The following SNX31 variants were observed in gnomAD, a reference collection of about 807,000 sequenced individuals.
The protein encoded by SNX31 is sorting nexin 31.
A neutral mutation model predicts 65.4 loss-of-function variants in SNX31; 58 were observed. The observed-to-expected ratio is 0.89, with a 90% confidence interval of 0.72 to 1.10. SNX31 has a LOEUF of 1.10. Ranked by LOEUF, SNX31 falls within the 50% of genes least tolerant of loss-of-function variation. The probability of loss-of-function intolerance (pLI) is 0.00; values close to 1 mark genes in which losing one functional copy is unlikely to be tolerated. For missense variants in SNX31, 523 were observed against 529.7 expected (o/e 0.99, Z 0.12); for synonymous variants, 181 against 190.1 (o/e 0.95, Z 0.39).
intron 11 of SNX31, among the ~76,000 whole-genome samples, 163 bp from the exon 12 acceptor site, chr8:100,584,351 TAGTA>T (rs1245572288): frequency 2.0e-5 from 3 of 152,168 alleles, no homozygotes; most frequent in African/African-American, 7.2e-5. Flanking sequence ...AAGATCCAAT[TAGTA>T]AGTAACTATA....
chr8:100,613,229 G>A lies in SNX31; in HGVS notation c.433-144C>T. 1.5e-5 allele frequency: 9 copies of A among 610,750 alleles called. No individual in the cohort carries two copies. The highest frequency in any genetic ancestry group is 3.1e-5 in the Admixed American group (1 of 32,260). 37.8% of individuals were successfully genotyped at this position (610,750 alleles called of 1,614,324 possible). A position where few individuals can be genotyped will look rare whatever the true frequency, so the allele number is the denominator to read the frequency against. The stretch of plus-strand genomic sequence containing the variant: ...AGTGAACACTCAAAGAAAGCTTTTT[G>A]GAATCAAAAAATGGTATCCATCTTA... On this transcript the variant is annotated intron_variant, in intron 5 of 13. Transcript: ENST00000311812. The surrounding 1 kb of genome is among the most constrained non-coding windows in gnomAD (Gnocchi z 5.2).
intron 10 of SNX31, among the ~76,000 whole-genome samples, chr8:100,590,966 C>G (rs551018068): frequency 1.3e-5 from 2 of 152,232 alleles, no homozygotes; most frequent in South Asian, 4.2e-4. Context: ...AGACAGGGAA[C>G]CCAAACAGAG....
At chr8:100,652,392 G>T (rs1182666768), upstream of SNX31, among the ~76,000 whole-genome samples, 1 of 152,176 alleles carries the variant, frequency 6.6e-6, no homozygotes, top group Non-Finnish European at 1.5e-5. Flanking sequence ...CCTGGTGCAT[G>T]GTCAGCACTC....
At chr8:100,593,039 A>G (rs1814730440) in intron 10 of SNX31, among the ~76,000 whole-genome samples, 1 of 152,216 alleles carries the variant, frequency 6.6e-6, no homozygotes, top group Admixed American at 6.5e-5. Flanking sequence ...GGGGGATAGG[A>G]AAGTGACAAC....
At chr8:100,586,557 G>A (rs1039338610) in intron 11 of SNX31, among the ~76,000 whole-genome samples, 8 of 152,148 alleles carry the variant, frequency 5.3e-5, no homozygotes, top group Admixed American at 5.2e-4. Context: ...AGGTTGGGAG[G>A]TAGTTTTACT....
At position 100,612,453 on chromosome 8, in the gene SNX31, A is replaced by T. The variant is rs1315371010; in HGVS notation, c.524-366T>A. ...CCCCTGGCTTCTTGAGGACATTTAT[A>T]AACTACTTTAATATAACTGATACCA... On this transcript the variant is annotated intron_variant, in intron 6 of 13. Coordinates refer to ENST00000311812, the MANE Select transcript of SNX31 (RefSeq NM_152628.4). The surrounding 1 kb of genome is among the most constrained non-coding windows in gnomAD (Gnocchi z 4.3). 6.6e-6 allele frequency among the ~76,000 whole-genome samples: 1 copy of T among 150,664 alleles called. No individual in the cohort carries two copies. The highest frequency in any genetic ancestry group is 1.5e-5 in the Non-Finnish European group (1 of 67,838).
In SNX31 at chr8:100,632,501, ATGAC is replaced by A. The variant is rs1818478821; in HGVS notation, c.257-2114_257-2111del. Among the ~76,000 whole-genome samples the A allele has an allele frequency of 4.6e-5, 7 of 152,318 alleles. No homozygotes were observed. In the East Asian group the frequency reaches 1.2e-3, roughly 25 times the overall value. ...CCATGAAAAATAATGAGATAAATCT[ATGAC>A]TGCTGATGTAGAATGACTTCTAAGA... is the stretch of plus-strand genomic sequence containing the variant. On this transcript the variant is annotated intron_variant, in intron 3 of 13. Coordinates refer to ENST00000311812, the MANE Select transcript of SNX31 (RefSeq NM_152628.4).
In SNX31 at chr8:100,630,269, G is replaced by A. The variant is rs183998158; in HGVS notation, c.321+58C>T. 1 of 1,537,278 alleles carries A rather than the reference G, an allele frequency of 6.5e-7. No homozygotes were observed. The highest frequency in any genetic ancestry group is 9.0e-7 in the Non-Finnish European group (1 of 1,111,974). ...ACATGTGTGTGTACCTGCACACTTG[G>A]TTCATGAAGAGTGTCCTGCAGAGGA... On this transcript the variant is annotated intron_variant, in intron 4 of 13. Transcript: ENST00000311812. This position sits in a 1 kb window ranked among gnomAD's most constrained non-coding sequence, Gnocchi z 5.3.
At chr8:100,583,559 TTAATAAATATAA>T (rs1813751995) in intron 12 of SNX31, among the ~76,000 whole-genome samples, 1 of 152,194 alleles carries the variant, frequency 6.6e-6, no homozygotes, top group South Asian at 2.1e-4. Context: ...TACTAGGCCT[TTAATAAATATAA>T]TAATAAATAA....
At chr8:100,645,716 A>G (rs1424383768) in intron 2 of SNX31, among the ~76,000 whole-genome samples, 3 of 149,404 alleles carry the variant, frequency 2.0e-5, no homozygotes, top group African/African-American at 7.5e-5. Flanking sequence ...GGCTCAAGCG[A>G]TCCTCCCACC....
chr8:100,607,373 A>C (rs1166618374), intron 8 of SNX31, among the ~76,000 whole-genome samples: 1 of 152,182 alleles, frequency 6.6e-6, no homozygotes, highest in Non-Finnish European at 1.5e-5. Flanking sequence ...GCACCGGCTG[A>C]CCATTCCATG....
intron 9 of SNX31, among the ~76,000 whole-genome samples, 170 bp downstream of exon 9, chr8:100,600,179 G>T (rs1234265730): frequency 2.6e-5 from 4 of 152,022 alleles, no homozygotes; most frequent in Non-Finnish European, 5.9e-5. Context: ...TAAACAATAA[G>T]CTTTTATTAA....
chr8:100,635,477 GTGATCCTCC>G (rs1818702642), intron 3 of SNX31, among the ~76,000 whole-genome samples: 1 of 149,516 alleles, frequency 6.7e-6, no homozygotes, highest in South Asian at 2.1e-4. Flanking sequence ...CTGGCCTCAA[GTGATCCTCC>G]TGCCTCAGCT....
chr8:100,617,767 C>CTT (rs747344881), intron 4 of SNX31, 37 bp from the exon 5 acceptor site: 2,772 of 1,275,806 alleles, frequency 2.2e-3, no homozygotes, highest in South Asian at 2.7e-3. Context: ...ATTTCCACAC[C>CTT]TTTTTTTTTT....
chr8:100,640,678 G>T (rs1316530451), intron 2 of SNX31, among the ~76,000 whole-genome samples: 1 of 152,144 alleles, frequency 6.6e-6, no homozygotes, highest in Non-Finnish European at 1.5e-5. Context: ...TATCTCTGGG[G>T]TCTTCATCCC....
intron 13 of SNX31, among the ~76,000 whole-genome samples, chr8:100,574,232 T>C (rs1812846051): frequency 6.6e-6 from 1 of 152,226 alleles, no homozygotes; most frequent in South Asian, 2.1e-4. Flanking sequence ...GGTTAACATT[T>C]AACTCTACCT....
chr8:100,622,131 T>A lies in SNX31; in HGVS notation c.322-4401A>T, dbSNP rs898617910. Among the ~76,000 whole-genome samples, 4 of 152,222 alleles carry A rather than the reference T, an allele frequency of 2.6e-5. No homozygotes were observed. Among genetic ancestry groups the A allele is most frequent in the African/African-American group, 9.6e-5 (4 of 41,456 alleles). On this transcript the variant is annotated intron_variant, in intron 4 of 13. Coordinates refer to ENST00000311812, the MANE Select transcript of SNX31 (RefSeq NM_152628.4). This position sits in a 1 kb window ranked among gnomAD's most constrained non-coding sequence, Gnocchi z 5.0. Reference sequence around the variant, plus strand: ...AGTAGTTGAGTTCTACCTTCTCCACTCTAAATGCTTATTTGTAGAATGTTG... The same window carrying A: ...AGTAGTTGAGTTCTACCTTCTCCACACTAAATGCTTATTTGTAGAATGTTG...
At chr8:100,583,796 T>C (rs902758028) in intron 12 of SNX31, among the ~76,000 whole-genome samples, 1 of 152,176 alleles carries the variant, frequency 6.6e-6, no homozygotes, top group African/African-American at 2.4e-5. Context: ...GTAGCTTCTG[T>C]AATAAATCTG....
Position 100,660,735 on chromosome 8 carries a change from T to C in SNX31, c.-58+2407A>G, listed in dbSNP as rs1240702944. 6.6e-6 allele frequency among the ~76,000 whole-genome samples: 1 copy of C among 152,158 alleles called. No individual in the cohort carries two copies. ...GTGTACTTGCTCTGAATCCCTCCTC[T>C]CCACAGACCCCAACGATTAGCCATA... On this transcript the variant is annotated intron_variant, in intron 1 of 5. Transcript: ENST00000520352. This position sits in a 1 kb window ranked among gnomAD's most constrained non-coding sequence, Gnocchi z 4.1.
Sources: allele counts gnomAD v4.1 joint callset (sites outside exome capture counted in the v4.1 genomes callset), GRCh38; gene constraint gnomAD v4.1.1; non-coding constraint Gnocchi (gnomAD v3.1); transcripts MANE v1.5; gene names NCBI Gene and HGNC (gene_info 2026-07-23, HGNC 2026-07-21).